TTC17: variants seen among roughly 807,000 people sequenced by gnomAD.
TTC17 encodes the protein tetratricopeptide repeat protein 17.
Under a neutral mutation model 143.8 loss-of-function variants are expected in TTC17, and 58 were observed. The ratio of observed to expected loss-of-function variants is 0.40; its 90% CI spans 0.33 to 0.50. The LOEUF is 0.50. Among genes scored for constraint, TTC17 ranks in the 20% least tolerant of loss-of-function variants. The probability of loss-of-function intolerance (pLI) is 0.49; values close to 1 mark genes in which losing one functional copy is unlikely to be tolerated. For missense variants in TTC17, 1,273 were observed against 1,392.5 expected, an observed-to-expected ratio of 0.91 and a Z score of 1.37; for synonymous variants, 501 against 497.8, an observed-to-expected ratio of 1.01 and a Z score of -0.09.
intron 18 of TTC17, chr11:43,446,318 T>G: frequency 2.4e-6 from 1 of 413,954 alleles, no homozygotes; most frequent in Non-Finnish European, 3.6e-6. Context: ...AATTAGTTAC[T>G]CTTTCCTCTG....
At chr11:43,424,661 T>C (rs1320480403) in intron 16 of TTC17, among the ~76,000 whole-genome samples, 5 of 152,044 alleles carry the variant, frequency 3.3e-5, no homozygotes, top group Non-Finnish European at 7.4e-5. Context: ...TCCCAGCTAC[T>C]GGGAAGGCTG....
intron 21 of TTC17, among the ~76,000 whole-genome samples, chr11:43,459,683 G>A (rs574972996): frequency 3.9e-5 from 6 of 152,136 alleles, no homozygotes; most frequent in Non-Finnish European, 7.4e-5. Context: ...ACAGGTGGTC[G>A]TCCACTTATG....
intron 21 of TTC17, among the ~76,000 whole-genome samples, chr11:43,452,942 C>T (rs1947691774): frequency 6.6e-6 from 1 of 151,886 alleles, no homozygotes; most frequent in African/African-American, 2.4e-5. Context: ...AAAAAATTCG[C>T]CTGCATAAAT....
At chr11:43,399,537 G>T (rs368754763) in intron 8 of TTC17, among the ~76,000 whole-genome samples, 2 of 152,022 alleles carry the variant, frequency 1.3e-5, no homozygotes, top group Non-Finnish European at 1.5e-5. Context: ...GCATGGTGGC[G>T]TGTGCCTGTA....
chr11:43,465,871 A>G (rs1380205315), intron 21 of TTC17, among the ~76,000 whole-genome samples: 2 of 151,068 alleles, frequency 1.3e-5, no homozygotes, highest in Non-Finnish European at 1.5e-5. Context: ...TTAAGACAAT[A>G]TATGTATTTC....
At chr11:43,450,933 CTG>C (rs371170174) in intron 20 of TTC17, among the ~76,000 whole-genome samples, 16 of 152,210 alleles carry the variant, frequency 1.1e-4, no homozygotes, top group African/African-American at 3.4e-4. Context: ...TTCATTTACT[CTG>C]TGTTCTAGTG....
chr11:43,395,161 C>T (rs557757265), intron 5 of TTC17, among the ~76,000 whole-genome samples: 10 of 142,946 alleles, frequency 7.0e-5, no homozygotes, highest in East Asian at 2.1e-4. Context: ...AGTGCAGTGG[C>T]GCAATCTCAG....
intron 2 of TTC17, among the ~76,000 whole-genome samples, chr11:43,379,707 A>G (rs779558786): frequency 7.2e-5 from 11 of 152,216 alleles, no homozygotes; most frequent in Non-Finnish European, 1.6e-4. Context: ...TAGCCTAAAA[A>G]TGTAATTATT....
At chr11:43,484,710 T>C (rs767072152) in intron 21 of TTC17, among the ~76,000 whole-genome samples, 5 of 152,190 alleles carry the variant, frequency 3.3e-5, no homozygotes, top group African/African-American at 1.2e-4. Context: ...TTATGCTGTT[T>C]GCTCAAGCAT....
At chr11:43,435,918 C>G (rs1476906952) in intron 16 of TTC17, among the ~76,000 whole-genome samples, 1 of 152,122 alleles carries the variant, frequency 6.6e-6, no homozygotes, top group African/African-American at 2.4e-5. Context: ...TTTGTTGTTA[C>G]AGTTGTTTTT....
chr11:43,438,470 T>C (rs1947341537), intron 16 of TTC17, among the ~76,000 whole-genome samples: 7 of 152,206 alleles, frequency 4.6e-5, no homozygotes, highest in Admixed American at 4.6e-4. Flanking sequence ...TAATTTGGAA[T>C]CAAGTTTGTC....
At chr11:43,381,066 G>A (rs1372386233) in intron 2 of TTC17, among the ~76,000 whole-genome samples, 1 of 152,034 alleles carries the variant, frequency 6.6e-6, no homozygotes, top group Non-Finnish European at 1.5e-5. Flanking sequence ...ATTTAAATTG[G>A]AGGATATATA....
chr11:43,442,476 A>G (rs1947444599), intron 16 of TTC17, among the ~76,000 whole-genome samples: 1 of 152,232 alleles, frequency 6.6e-6, no homozygotes, highest in Admixed American at 6.5e-5. Context: ...GATGACTTTC[A>G]TGGAATGCAC....
At position 43,403,978 on chromosome 11, in the gene TTC17, C is replaced by A. The variant is rs1420720168; in HGVS notation, c.1333-20C>A. The A allele has an allele frequency of 7.1e-7, 1 of 1,409,762 alleles. No individual in the cohort carries two copies. Among genetic ancestry groups the A allele is most frequent in the Non-Finnish European group, 9.6e-7 (1 of 1,039,632 alleles). 87.3% of individuals were successfully genotyped at this position (1,409,762 alleles called of 1,614,324 possible). The stretch of plus-strand genomic sequence containing the variant: ...CTTTTCCACTTTCAATTTGATTGAA[C>A]TTTTTGTTTCATTTTCTAGTTTGGT... On this transcript the variant is annotated intron_variant, in intron 10 of 23. Coordinates refer to ENST00000039989, the MANE Select transcript of TTC17 (RefSeq NM_018259.6).
At chr11:43,486,750 T>A (rs888345428) in intron 21 of TTC17, among the ~76,000 whole-genome samples, 11 of 152,192 alleles carry the variant, frequency 7.2e-5, no homozygotes, top group African/African-American at 2.7e-4. Flanking sequence ...TATAATTATA[T>A]ATTTACTTGG....
At chr11:43,389,527 T>G (rs2134520472) in intron 2 of TTC17, 125 bp from the exon 3 acceptor site, 4 of 915,790 alleles carry the variant, frequency 4.4e-6, no homozygotes, top group Non-Finnish European at 6.3e-6. Flanking sequence ...AAGGGCATTT[T>G]CAGAATTCTT....
At chr11:43,457,179 C>T (rs1455134223) in intron 21 of TTC17, among the ~76,000 whole-genome samples, 1 of 152,020 alleles carries the variant, frequency 6.6e-6, no homozygotes, top group Non-Finnish European at 1.5e-5. Context: ...CCTTATCTAG[C>T]ATTAGGTCTA....
intron 15 of TTC17, among the ~76,000 whole-genome samples, chr11:43,412,172 A>C (rs139490013): frequency 1.3e-5 from 2 of 152,312 alleles, no homozygotes; most frequent in African/African-American, 4.8e-5. Context: ...TACAAAGTAC[A>C]CTGTTTACAA....
chr11:43,379,440 G>A (rs1272907834), intron 2 of TTC17, 118 bp downstream of exon 2: 51 of 781,782 alleles, frequency 6.5e-5, no homozygotes, highest in South Asian at 6.2e-4. Context: ...TGACTTTTGC[G>A]GGAATATACT....
Sources: gnomAD v4.1 joint callset for allele counts (sites outside exome capture counted in the v4.1 genomes callset) on GRCh38, gnomAD v4.1.1 for gene constraint, MANE v1.5 for transcripts, NCBI Gene and HGNC (gene_info 2026-07-23, HGNC 2026-07-21) for gene names.